SIK3: variants seen among roughly 807,000 people sequenced by gnomAD.
SIK3 encodes the protein SIK family kinase 3, also known as serine/threonine-protein kinase SIK3.
A neutral mutation model predicts 144.2 loss-of-function variants in SIK3; 28 were observed. The observed-to-expected ratio is 0.19, with a 90% CI of 0.14 to 0.27. The LOEUF (loss-of-function observed/expected upper bound fraction) is 0.27, where lower values mean the gene tolerates loss of function less well. SIK3 is among the 10% of genes least tolerant of loss of function. The probability of loss-of-function intolerance (pLI) is 1.00; values close to 1 mark genes in which losing one functional copy is unlikely to be tolerated. For missense variants in SIK3, 1,319 were observed against 1,776.0 expected, an observed-to-expected ratio of 0.74 and a Z score of 4.62; for synonymous variants, 686 against 676.3, an observed-to-expected ratio of 1.01 and a Z score of -0.22.
At chr11:117,038,792 G>A (rs1952621407) in intron 1 of SIK3, among the ~76,000 whole-genome samples, 1 of 152,088 alleles carries the variant, frequency 6.6e-6, no homozygotes, top group South Asian at 2.1e-4. Flanking sequence ...GCTCATGCCT[G>A]TAATCCCAGC....
intron 1 of SIK3, among the ~76,000 whole-genome samples, chr11:117,013,453 G>C (rs1344895271): frequency 6.6e-6 from 1 of 152,094 alleles, no homozygotes; most frequent in African/African-American, 2.4e-5. Flanking sequence ...ACTCTAGCCT[G>C]GGCGTCAAGA....
intron 1 of SIK3, among the ~76,000 whole-genome samples, chr11:117,017,569 CATTGAAAGAATCAAAGTACCTGTGAGT>C (rs1951591343): frequency 2.6e-5 from 4 of 152,012 alleles, no homozygotes; most frequent in Non-Finnish European, 5.9e-5. Flanking sequence ...GTGTAACACA[CATTGAAAGAATCAAAGTACCTGTGAGT>C]ATGAAGAAGT....
chr11:116,947,246 AATT>A (rs1948694750), intron 3 of SIK3, among the ~76,000 whole-genome samples: 3 of 84,104 alleles, frequency 3.6e-5, no homozygotes, highest in African/African-American at 1.1e-4. Flanking sequence ...TTTTATATAT[AATT>A]ATTATTTATA....
chr11:117,068,226 C>A (rs1262200090), intron 1 of SIK3, among the ~76,000 whole-genome samples: 1 of 152,126 alleles, frequency 6.6e-6, no homozygotes, highest in Middle Eastern at 3.2e-3. Context: ...AAAATGGCTC[C>A]TTAAGGTCTA....
chr11:116,853,525 T>C (rs577194786), intron 21 of SIK3, among the ~76,000 whole-genome samples: 6 of 152,282 alleles, frequency 3.9e-5, no homozygotes, highest in South Asian at 2.1e-4. Context: ...CCGGGGAACT[T>C]TGGGGCAACC....
chr11:116,989,294 CAA>C (rs2135550629), intron 1 of SIK3, among the ~76,000 whole-genome samples: 1 of 152,096 alleles, frequency 6.6e-6, no homozygotes, highest in South Asian at 2.1e-4. Context: ...TTTTAAAATG[CAA>C]AGTCAACTTT....
At position 116,876,285 on chromosome 11, in the gene SIK3, C is replaced by T. The variant is rs766324378; in HGVS notation, c.1063G>A (p.Asp355Asn). 2 of 1,614,248 alleles carry T rather than the reference C, an allele frequency of 1.2e-6. No homozygotes were observed. The highest frequency in any genetic ancestry group is 8.5e-7 in the Non-Finnish European group (1 of 1,180,046). The change falls in exon 8 of 25, where the codon GAC becomes AAC. Residue 355 changes from aspartate (D) to asparagine (N), a missense_variant. Transcript: ENST00000445177. Reference protein sequence around the residue: ...LNEDVLLAMEDMGLDKEQTLQ... With the variant: ...LNEDVLLAMENMGLDKEQTLQ... ...GTCTGTTCTTTGTCCAGTCCCATGT[C>T]CTCCATGGCCAAGAGGACATCCTCA...
chr11:116,959,780 C>T (rs966386630), intron 1 of SIK3, among the ~76,000 whole-genome samples: 4 of 152,192 alleles, frequency 2.6e-5, no homozygotes, highest in Non-Finnish European at 5.9e-5. Flanking sequence ...AAATGCATTT[C>T]TGACTTACCA....
At chr11:116,950,077 C>A (rs1025520375) in intron 3 of SIK3, 1 of 469,624 alleles carries the variant, frequency 2.1e-6, no homozygotes, top group Non-Finnish European at 4.4e-6. Context: ...GACAGTGAAA[C>A]CACTGTCTTA....
intron 1 of SIK3, among the ~76,000 whole-genome samples, chr11:117,096,012 C>A (rs558302798): frequency 6.6e-6 from 1 of 152,260 alleles, no homozygotes; most frequent in African/African-American, 2.4e-5. Flanking sequence ...GTTTAAAATG[C>A]TGCAGTCCTA....
intron 1 of SIK3, among the ~76,000 whole-genome samples, chr11:117,091,693 A>G (rs1393407883): frequency 3.3e-5 from 5 of 152,240 alleles, no homozygotes; most frequent in Non-Finnish European, 7.3e-5. Context: ...ATAAGTTGTT[A>G]AAACTGAACT....
At chr11:117,028,918 A>G (rs1005226342) in intron 1 of SIK3, among the ~76,000 whole-genome samples, 1 of 151,748 alleles carries the variant, frequency 6.6e-6, no homozygotes, top group African/African-American at 2.4e-5. Flanking sequence ...CTGTAATCCC[A>G]GCATTTTGTA....
At chr11:116,970,990 T>C (rs776519821) in intron 1 of SIK3, among the ~76,000 whole-genome samples, 6 of 152,180 alleles carry the variant, frequency 3.9e-5, no homozygotes, top group Non-Finnish European at 7.3e-5. Context: ...TAGGACCATA[T>C]GATAATAAGC....
At chr11:116,850,590 A>G (rs573863115) in intron 21 of SIK3, among the ~76,000 whole-genome samples, 1 of 152,334 alleles carries the variant, frequency 6.6e-6, no homozygotes, top group East Asian at 1.9e-4. Flanking sequence ...ACCATGTTCA[A>G]TTATGTACTT....
At chr11:116,857,704 C>CT in intron 21 of SIK3, 106 bp downstream of exon 21, 1 of 1,463,588 alleles carries the variant, frequency 6.8e-7, no homozygotes, top group Non-Finnish European at 9.0e-7. Flanking sequence ...CTCAGAAATT[C>CT]TTTTTTTCTT....
chr11:116,894,189 A>G (rs1945276098), intron 6 of SIK3, among the ~76,000 whole-genome samples: 1 of 152,064 alleles, frequency 6.6e-6, no homozygotes, highest in Non-Finnish European at 1.5e-5. Context: ...AACTCTTATG[A>G]TACCTCTTCA....
In SIK3 at chr11:116,845,283, A is replaced by G. The variant is rs1332032769; in HGVS notation, c.*360T>C. On this transcript the variant is annotated 3_prime_UTR_variant, in exon 25 of 25. Coordinates refer to ENST00000445177, the MANE Select transcript of SIK3 (RefSeq NM_001366686.3). Reference sequence around the variant, plus strand: ...AAAAAAGGAACGAAAGAAAAAAAAGAAAGGAAGAAAAAAAAGAAAGTATAT... The same window carrying G: ...AAAAAAGGAACGAAAGAAAAAAAAGGAAGGAAGAAAAAAAAGAAAGTATAT... 7.0e-6 allele frequency: 1 copy of G among 143,378 alleles called. No homozygotes were observed. Among genetic ancestry groups the G allele is most frequent in the East Asian group, 1.9e-4 (1 of 5,144 alleles). The allele number at this position is 143,378 out of a possible 1,614,324, so 8.9% of individuals were successfully genotyped here.
chr11:117,074,579 C>G (rs1041844358), intron 1 of SIK3, among the ~76,000 whole-genome samples: 1 of 152,024 alleles, frequency 6.6e-6, no homozygotes, highest in Non-Finnish European at 1.5e-5. Context: ...ATATAAAACC[C>G]TAACATATTT....
intron 6 of SIK3, among the ~76,000 whole-genome samples, chr11:116,890,206 A>G (rs180709568): frequency 3.2e-4 from 49 of 152,342 alleles, no homozygotes; most frequent in Non-Finnish European, 5.7e-4. Context: ...AAGCAGAATT[A>G]CAGAAAGAGA....
Sources: allele counts gnomAD v4.1 joint callset (sites outside exome capture counted in the v4.1 genomes callset), GRCh38; gene constraint gnomAD v4.1.1; transcripts MANE v1.5; gene names NCBI Gene and HGNC (gene_info 2026-07-23, HGNC 2026-07-21).